Variants in HEPH observed in about 807,000 individuals in gnomAD.
The protein encoded by HEPH is hephaestin.
A neutral mutation model predicts 80.8 loss-of-function variants in HEPH; 69 were observed. The ratio of observed to expected loss-of-function variants is 0.85; its 90% CI spans 0.70 to 1.04. The LOEUF (loss-of-function observed/expected upper bound fraction) is 1.04. Among genes scored for constraint, HEPH ranks in the 50% least tolerant of loss-of-function variants. The pLI is 0.00. For synonymous variants in HEPH, 431 were observed against 322.8 expected (o/e 1.34, Z -3.60); for missense variants, 1,115 against 891.3 (o/e 1.25, Z -3.20).
rs1569410136 is a variant in HEPH, at chrX:66,255,129, G to A, written c.2658G>A (p.Val886=). The A allele has an allele frequency of 8.4e-7, 1 of 1,192,648 alleles. No individual in the cohort carries two copies. Residue 886 remains valine, a synonymous_variant, in exon 16 of 21, where the codon GTG becomes GTA. Transcript: ENST00000343002. The stretch of plus-strand genomic sequence containing the variant: ...TTTCCTGGATCTATTATTCTGCAGT[G>A]GATCCCATCAAGGTAAATACAAGAT... ...ACVSWIYYSA[V]DPIKDMYSGL... is the part of the protein sequence containing the mutation.
intron 11 of HEPH, 128 bp from the exon 12 acceptor site, chrX:66,200,412 G>T (rs2088370644): frequency 4.1e-6 from 2 of 486,883 alleles, no homozygotes; most frequent in Non-Finnish European, 7.0e-6. Flanking sequence ...GAAGGCAGAG[G>T]TGTTGAGGAT....
chrX:66,205,617 A>C (rs2088723857), intron 13 of HEPH, among the ~76,000 whole-genome samples: 1 of 102,721 alleles, frequency 9.7e-6, no homozygotes, highest in African/African-American at 3.7e-5. Flanking sequence ...TTTTTTTGAG[A>C]TAGAGTCTCA....
At chrX:66,224,956 C>T (rs1373246836) in intron 15 of HEPH, among the ~76,000 whole-genome samples, 1 of 108,739 alleles carries the variant, frequency 9.2e-6, no homozygotes, top group Non-Finnish European at 1.9e-5. Context: ...CTGATCTTTC[C>T]TTACCTCTGC....
At chrX:66,217,927 TA>T in intron 15 of HEPH, among the ~76,000 whole-genome samples, 1 of 111,170 alleles carries the variant, frequency 9.0e-6, no homozygotes, top group East Asian at 2.8e-4. Flanking sequence ...CAACAGCAGT[TA>T]AAAAAGGCAA....
At chrX:66,202,809 T>C (rs1386071786) in intron 12 of HEPH, among the ~76,000 whole-genome samples, 1 of 108,341 alleles carries the variant, frequency 9.2e-6, no homozygotes, top group African/African-American at 3.4e-5. Context: ...AATTATTGTG[T>C]TTAATTGTAA....
rs144325296 is a variant in HEPH, at chrX:66,223,487, T to C, written c.2563+15241T>C. ...GTTAAACTTAGTTTTAGTAAAACTT[T>C]GTATACGTATTTATTCAGTTTTTAA... On this transcript the variant is annotated intron_variant, in intron 15 of 20. Transcript: ENST00000343002. Among the ~76,000 whole-genome samples the C allele has an allele frequency of 2.4e-3, 267 of 111,888 alleles. 5 individuals carry two copies. In the East Asian group the frequency reaches 0.048, roughly 20 times the overall value.
intron 15 of HEPH, among the ~76,000 whole-genome samples, chrX:66,253,666 A>AT (rs2091077331): frequency 8.9e-6 from 1 of 112,157 alleles, no homozygotes; most frequent in Non-Finnish European, 1.9e-5. Flanking sequence ...ACTATTCATA[A>AT]TAACTAAAAA....
chrX:66,188,597 A>G (rs2087618203), intron 5 of HEPH, 56 bp downstream of exon 5: 2 of 1,035,416 alleles, frequency 1.9e-6, no homozygotes, highest in Non-Finnish European at 2.7e-6. Context: ...GAGGGTATCC[A>G]CTGGGCCTAG....
chrX:66,195,117 G>A lies in HEPH; in HGVS notation c.1389G>A (p.Glu463=), dbSNP rs948357514. 3.4e-6 allele frequency: 4 copies of A among 1,192,511 alleles called. No homozygotes were observed. Among genetic ancestry groups the A allele is most frequent in the Non-Finnish European group, 4.5e-6 (4 of 887,042 alleles). ...TTCCAGGGCCAGTGATCCGGGCTGA[G>A]GTGGGTGACACCATTCAGGTGGTCT... The part of the protein sequence containing the change: ...LGILGPVIRA[E]VGDTIQVVFY... Residue 463 remains glutamate (E), a synonymous_variant, in exon 9 of 21, where the codon GAG becomes GAA. Transcript: ENST00000343002.
intron 3 of HEPH, 28 bp downstream of exon 3, chrX:66,172,627 C>G: frequency 9.0e-7 from 1 of 1,105,746 alleles, no homozygotes; most frequent in Non-Finnish European, 1.2e-6. Flanking sequence ...TTCTTTCCCC[C>G]ATGCCCAACA....
chrX:66,192,204 C>T lies in HEPH; in HGVS notation c.1138C>T (p.Arg380Ter), dbSNP rs202143527. 5 of 1,208,696 alleles carry T rather than the reference C, an allele frequency of 4.1e-6. No individual in the cohort carries two copies. Among genetic ancestry groups the T allele is most frequent in the Non-Finnish European group, 4.5e-6 (4 of 894,502 alleles). The stretch of plus-strand genomic sequence containing the variant: ...TGTGGACCTGCTCACAGGCAAAGTT[C>T]GACAGTACTTCATTGAGGCCCATGA... ...PPVDLLTGKV[R>*]QYFIEAHEIQ... The change falls in exon 7 of 21, where the codon CGA (arginine) becomes TGA (stop). Residue 380 changes from arginine (R) to a stop codon, truncating the protein, a stop_gained. Transcript: ENST00000343002. LOFTEE classifies it high-confidence loss of function.
chrX:66,237,403 G>C (rs1243628929), intron 15 of HEPH, among the ~76,000 whole-genome samples: 1 of 112,055 alleles, frequency 8.9e-6, no homozygotes, highest in Non-Finnish European at 1.9e-5. Flanking sequence ...AAGTCATTCA[G>C]AAGCAGGTTA....
chrX:66,262,754 T>C (rs2091410142), intron 19 of HEPH, among the ~76,000 whole-genome samples: 2 of 111,459 alleles, frequency 1.8e-5, no homozygotes, highest in Non-Finnish European at 3.8e-5. Context: ...AGGATGAAGC[T>C]ACTAGGTTGA....
intron 8 of HEPH, among the ~76,000 whole-genome samples, chrX:66,194,520 G>A (rs747756245): frequency 8.9e-6 from 1 of 112,258 alleles, no homozygotes; most frequent in East Asian, 2.8e-4. Flanking sequence ...ACCTAAGCTA[G>A]ATTACATGTG....
At chrX:66,218,578 C>A (rs202084713) in intron 15 of HEPH, among the ~76,000 whole-genome samples, 2 of 111,730 alleles carry the variant, frequency 1.8e-5, no homozygotes, top group East Asian at 5.6e-4. Context: ...CAGACAAAAC[C>A]CTTTAGACAC....
At chrX:66,254,122 G>T (rs910103467) in intron 15 of HEPH, among the ~76,000 whole-genome samples, 3 of 111,753 alleles carry the variant, frequency 2.7e-5, no homozygotes, top group Non-Finnish European at 5.6e-5. Context: ...TGTTAGAAAA[G>T]ATTAATATAG....
At chrX:66,186,200 GCAGGC>G (rs2087420701) in intron 4 of HEPH, among the ~76,000 whole-genome samples, 3 of 98,556 alleles carry the variant, frequency 3.0e-5, no homozygotes, top group Non-Finnish European at 6.1e-5. Flanking sequence ...ACAGAGGCAG[GCAGGC>G]CTCCTTGAGC....
In HEPH at chrX:66,257,980, T is replaced by C. The variant is rs996412672; in HGVS notation, c.2897-860T>C. ...AGAGACCCATGCATTAATATCATTA[T>C]TAATTCCATGCATTAATATCATTAT... On this transcript the variant is annotated intron_variant, in intron 17 of 20. Transcript: ENST00000343002. 4.5e-5 allele frequency among the ~76,000 whole-genome samples: 5 copies of C among 112,054 alleles called. No individual in the cohort carries two copies. The Admixed American group carries it at 4.7e-4, about 11-fold the overall frequency.
At chrX:66,210,050 G>T (rs921335041) in intron 15 of HEPH, among the ~76,000 whole-genome samples, 2 of 111,322 alleles carry the variant, frequency 1.8e-5, no homozygotes, top group African/African-American at 6.5e-5. Context: ...TATTGAATGA[G>T]AAAGTAAAAA....
Sources: gnomAD v4.1 joint callset for allele counts (sites outside exome capture counted in the v4.1 genomes callset) on GRCh38, gnomAD v4.1.1 for gene constraint, MANE v1.5 for transcripts, NCBI Gene and HGNC (gene_info 2026-07-23, HGNC 2026-07-21) for gene names.